ZFYVE28: variants seen among roughly 807,000 people sequenced by gnomAD.
ZFYVE28 encodes zinc finger FYVE-type containing 28.
In ZFYVE28, 40 loss-of-function variants were observed where a neutral mutation model predicts 82.1. The observed-to-expected ratio is 0.49, with a 90% confidence interval of 0.38 to 0.63. The LOEUF is 0.63. Ranked by LOEUF, ZFYVE28 falls within the 30% of genes least tolerant of loss-of-function variation. ZFYVE28 has a pLI of 0.00. For synonymous variants in ZFYVE28, 612 were observed against 546.1 expected (o/e 1.12, Z -1.68); for missense variants, 1,321 against 1,242.1 (o/e 1.06, Z -0.96).
rs1722348164 is a variant in ZFYVE28, at chr4:2,339,188, T to G, written c.521+265A>C. Among the ~76,000 whole-genome samples, 1 of 152,102 alleles carries G rather than the reference T, an allele frequency of 6.6e-6. No individual in the cohort carries two copies. The highest frequency in any genetic ancestry group is 1.5e-5 in the Non-Finnish European group (1 of 68,008). On this transcript the variant is annotated intron_variant, in intron 4 of 12. Transcript: ENST00000290974. This position sits in a 1 kb window ranked among gnomAD's most constrained non-coding sequence, Gnocchi z 5.0. ...TCATGCATGTCTGGCCCCTCGGGCC[T>G]CTCCAAAGCCCTTCCCCTGGAGGCC...
intron 8 of ZFYVE28, among the ~76,000 whole-genome samples, chr4:2,277,795 A>T (rs1388461763): frequency 6.6e-6 from 1 of 152,232 alleles, no homozygotes; most frequent in Non-Finnish European, 1.5e-5. Context: ...AATCCATACG[A>T]AAGTGCCAAC....
In ZFYVE28 at chr4:2,375,758, C is replaced by A. The variant is rs896372579; in HGVS notation, c.40-21685G>T. Among the ~76,000 whole-genome samples, 5 of 152,268 alleles carry A rather than the reference C, an allele frequency of 3.3e-5. No individual in the cohort carries two copies. In the East Asian group the frequency reaches 9.6e-4, roughly 29 times the overall value. On this transcript the variant is annotated intron_variant, in intron 1 of 12. Coordinates refer to ENST00000290974, the MANE Select transcript of ZFYVE28 (RefSeq NM_020972.3). ...CATCCCACTGACAGCCTCCACCCCT[C>A]CCTTCTAACCCTACCATGTGGGGCG... is the stretch of plus-strand genomic sequence containing the variant.
rs1306952918 is a variant in ZFYVE28 at position 2,330,845 on chromosome 4, G to T, written c.701+4860C>A. 5.2e-6 allele frequency: 8 copies of T among 1,535,188 alleles called. No homozygotes were observed. In the East Asian group the frequency reaches 1.5e-4, roughly 28 times the overall value. ...AGACCCAGGGCAGCGGGTGCGTGGG[G>T]ACTGGGGAGAGAGGACTGGTGTGGG... On this transcript the variant is annotated intron_variant, in intron 6 of 12. Coordinates refer to ENST00000290974, the MANE Select transcript of ZFYVE28 (RefSeq NM_020972.3).
chr4:2,321,711 G>A (rs1719102532), intron 6 of ZFYVE28, among the ~76,000 whole-genome samples: 1 of 152,132 alleles, frequency 6.6e-6, no homozygotes, highest in Non-Finnish European at 1.5e-5. Flanking sequence ...TGACTCCAGT[G>A]GCCAAGCCTC....
intron 1 of ZFYVE28, among the ~76,000 whole-genome samples, chr4:2,403,643 C>G (rs544002412): frequency 6.6e-6 from 1 of 152,266 alleles, no homozygotes; most frequent in Non-Finnish European, 1.5e-5. Flanking sequence ...TCACCGACCC[C>G]GCCTCCGATG....
Position 2,362,556 on chromosome 4 carries a change from A to C in ZFYVE28, c.40-8483T>G, listed in dbSNP as rs560127221. On this transcript the variant is annotated intron_variant, in intron 1 of 12. Coordinates refer to ENST00000290974, the MANE Select transcript of ZFYVE28 (RefSeq NM_020972.3). This position sits in a 1 kb window ranked among gnomAD's most constrained non-coding sequence, Gnocchi z 5.1. ...CTGTCCGCACTGAGGCCAGACGTCC[A>C]TGGGCAGCCATGACCCATGTCCCCA... 6.6e-6 allele frequency among the ~76,000 whole-genome samples: 1 copy of C among 152,096 alleles called. No homozygotes were observed. The highest frequency in any genetic ancestry group is 6.5e-5 in the Admixed American group (1 of 15,288).
In ZFYVE28 at chr4:2,337,504, C is replaced by T. The variant is rs1265696795; in HGVS notation, c.522-8G>A. On this transcript the variant is annotated splice_polypyrimidine_tract_variant and splice_region_variant and intron_variant, in intron 4 of 12. Coordinates refer to ENST00000290974, the MANE Select transcript of ZFYVE28 (RefSeq NM_020972.3). The stretch of plus-strand genomic sequence containing the variant: ...ACCATGGCCGAGACGTAGCTGCAAA[C>T]ACATGGAGACCTGTGAGGCCGCACC... 4 of 1,597,978 alleles carry T rather than the reference C, an allele frequency of 2.5e-6. No individual in the cohort carries two copies. Among genetic ancestry groups the T allele is most frequent in the African/African-American group, 1.3e-5 (1 of 74,476 alleles).
At chr4:2,293,137 A>G (rs1409140278) in intron 8 of ZFYVE28, among the ~76,000 whole-genome samples, 1 of 152,050 alleles carries the variant, frequency 6.6e-6, no homozygotes, top group African/African-American at 2.4e-5. Context: ...TAGGAATAGG[A>G]GAGAACTCCT....
chr4:2,340,127 C>T (rs937249925), intron 3 of ZFYVE28, among the ~76,000 whole-genome samples: 3 of 152,276 alleles, frequency 2.0e-5, no homozygotes, highest in Admixed American at 6.5e-5. Context: ...CGGGCTGATC[C>T]GGGCCCGAGG....
intron 1 of ZFYVE28, among the ~76,000 whole-genome samples, chr4:2,382,617 A>G (rs1350683592): frequency 6.6e-6 from 1 of 152,218 alleles, no homozygotes; most frequent in Non-Finnish European, 1.5e-5. Context: ...CCCCCATTGT[A>G]TCTAGGAAGT....
intron 6 of ZFYVE28, among the ~76,000 whole-genome samples, chr4:2,334,451 G>A (rs547034766): frequency 2.0e-5 from 3 of 151,860 alleles, no homozygotes; most frequent in South Asian, 4.2e-4. Context: ...CACTGCCACC[G>A]CCCCGCGTGC....
intron 8 of ZFYVE28, among the ~76,000 whole-genome samples, chr4:2,301,168 G>A (rs568813788): frequency 1.9e-4 from 29 of 152,316 alleles, no homozygotes; most frequent in African/African-American, 6.5e-4. Context: ...TGACACCTGG[G>A]AGGACAGGCT....
At chr4:2,378,233 G>A (rs184836695) in intron 1 of ZFYVE28, among the ~76,000 whole-genome samples, 6 of 152,274 alleles carry the variant, frequency 3.9e-5, no homozygotes, top group Admixed American at 6.5e-5. Context: ...CCCAGCTGCC[G>A]GGGAGGCTGA....
chr4:2,365,727 GGCCCTCCAGCTC>G (rs1726809744), intron 1 of ZFYVE28, among the ~76,000 whole-genome samples: 1 of 152,170 alleles, frequency 6.6e-6, no homozygotes, highest in South Asian at 2.1e-4. Context: ...ACGTCTCCCA[GGCCCTCCAGCTC>G]GCCCTCAGCT....
At chr4:2,330,858 G>A (rs922298773) in intron 6 of ZFYVE28, 20 of 1,534,998 alleles carry the variant, frequency 1.3e-5, no homozygotes, top group Admixed American at 3.9e-5. Context: ...TGGGGAGAGA[G>A]GACTGGTGTG....
intron 1 of ZFYVE28, among the ~76,000 whole-genome samples, chr4:2,380,003 G>T (rs1046792001): frequency 5.9e-5 from 9 of 152,126 alleles, no homozygotes; most frequent in Non-Finnish European, 1.0e-4. Flanking sequence ...GCCCAGGCTG[G>T]TCAAATTTTT....
chr4:2,306,713 G>A (rs548757664), intron 7 of ZFYVE28, among the ~76,000 whole-genome samples: 2 of 152,254 alleles, frequency 1.3e-5, no homozygotes, highest in South Asian at 4.1e-4. Flanking sequence ...AGAGTTTTTT[G>A]TTTATCTGAA....
chr4:2,287,935 C>T (rs1251202937), intron 8 of ZFYVE28, among the ~76,000 whole-genome samples: 2 of 152,180 alleles, frequency 1.3e-5, no homozygotes, highest in African/African-American at 4.8e-5. Context: ...TTCCCATCTC[C>T]TCTAATTTAG....
chr4:2,308,622 G>GAAAGAAAGA (rs1553830430), intron 7 of ZFYVE28, among the ~76,000 whole-genome samples: 14 of 81,792 alleles, frequency 1.7e-4, no homozygotes, highest in African/African-American at 4.7e-4. Context: ...AAGAAAGAAA[G>GAAAGAAAGA]AAGACAGAAA....
Sources: gnomAD v4.1 joint callset for allele counts (sites outside exome capture counted in the v4.1 genomes callset) on GRCh38, gnomAD v4.1.1 for gene constraint, Gnocchi (gnomAD v3.1) non-coding constraint, MANE v1.5 for transcripts, NCBI Gene and HGNC (gene_info 2026-07-23, HGNC 2026-07-21) for gene names.